GALNT13: variants seen among roughly 807,000 people sequenced by gnomAD.
GALNT13 encodes the protein UDP-GalNAc:polypeptide N-acetylgalactosaminyltransferase 13.
In GALNT13, 28 loss-of-function variants were observed where a neutral mutation model predicts 64.2. The observed-to-expected ratio is 0.44, with a 90% CI of 0.32 to 0.60. The LOEUF (loss-of-function observed/expected upper bound fraction) is 0.60. GALNT13 is among the 20% of genes least tolerant of loss of function. The probability of loss-of-function intolerance (pLI) is 0.05; values close to 1 mark genes in which losing one functional copy is unlikely to be tolerated. For missense variants in GALNT13, 577 were observed against 669.8 expected, an observed-to-expected ratio of 0.86 and a Z score of 1.53; for synonymous variants, 214 against 224.6, an observed-to-expected ratio of 0.95 and a Z score of 0.42.
At position 154,364,877 on chromosome 2, in the gene GALNT13, G is replaced by T. The variant is rs150159105; in HGVS notation, c.1157-31114G>T. On this transcript the variant is annotated intron_variant, in intron 9 of 12. Coordinates refer to ENST00000392825, the MANE Select transcript of GALNT13 (RefSeq NM_052917.4). ...GTAGAGACGGGGTTTTGCCATGTTGGCTAAGCTGGTCTTGAACTCCTGACC... is the reference window on the plus strand; with the variant it reads ...GTAGAGACGGGGTTTTGCCATGTTGTCTAAGCTGGTCTTGAACTCCTGACC... Among the ~76,000 whole-genome samples, 48 of 152,244 alleles carry T rather than the reference G, an allele frequency of 3.2e-4. 1 individual carries two copies. In the East Asian group the frequency reaches 9.1e-3, roughly 29 times the overall value.
the GALNT13 span, among the ~76,000 whole-genome samples, chr2:153,193,452 C>A: frequency 5.1e-5 from 4 of 78,416 alleles, no homozygotes; most frequent in South Asian, 4.0e-4. Flanking sequence ...GTGGTGGGGT[C>A]GGGGGAGGGG....
chr2:153,696,443 C>G, the GALNT13 span, among the ~76,000 whole-genome samples: 1 of 152,158 alleles, frequency 6.6e-6, no homozygotes, highest in Non-Finnish European at 1.5e-5. Context: ...AACACCCTCA[C>G]AGACATACCT....
At chr2:154,126,071 T>A (rs565097514) in intron 3 of GALNT13, among the ~76,000 whole-genome samples, 1 of 152,262 alleles carries the variant, frequency 6.6e-6, no homozygotes, top group South Asian at 2.1e-4. Flanking sequence ...ATCATGTGGT[T>A]CTGTTTAGTT....
chr2:153,671,742 A>C, the GALNT13 span, among the ~76,000 whole-genome samples: 1 of 152,220 alleles, frequency 6.6e-6, no homozygotes, highest in Non-Finnish European at 1.5e-5. Flanking sequence ...CTCCAATTAA[A>C]AGACATAGAC....
At chr2:153,323,602 C>T in the GALNT13 span, among the ~76,000 whole-genome samples, 26 of 152,242 alleles carry the variant, frequency 1.7e-4, no homozygotes, top group Admixed American at 7.2e-4. Context: ...AGGTTTTCTT[C>T]TAGGGTTTTT....
chr2:153,819,630 C>A, the GALNT13 span, among the ~76,000 whole-genome samples: 2 of 152,210 alleles, frequency 1.3e-5, no homozygotes, highest in African/African-American at 4.8e-5. Flanking sequence ...ACAGAGAACA[C>A]CTCACAGTAA....
chr2:153,826,696 T>G, the GALNT13 span, among the ~76,000 whole-genome samples: 1 of 151,940 alleles, frequency 6.6e-6, no homozygotes, highest in Admixed American at 6.6e-5. Context: ...TTATGACAAA[T>G]GAATGTCTGG....
At chr2:154,313,423 TA>T (rs1694158313) in intron 9 of GALNT13, among the ~76,000 whole-genome samples, 2 of 56,982 alleles carry the variant, frequency 3.5e-5, no homozygotes, top group Non-Finnish European at 3.7e-5. Flanking sequence ...TAGAGATATA[TA>T]TATATATATA....
the GALNT13 span, among the ~76,000 whole-genome samples, chr2:153,324,005 G>GT: frequency 6.6e-6 from 1 of 152,180 alleles, no homozygotes; most frequent in East Asian, 1.9e-4. Flanking sequence ...ATTTAAAGTA[G>GT]TTTTTTTCTA....
intron 11 of GALNT13, among the ~76,000 whole-genome samples, chr2:154,432,494 G>T (rs1196304155): frequency 6.6e-6 from 1 of 152,170 alleles, no homozygotes; most frequent in Non-Finnish European, 1.5e-5. Flanking sequence ...TGCAAACTAG[G>T]TTGCTTAATA....
chr2:153,985,761 A>G (rs1174278327), intron 3 of GALNT13, among the ~76,000 whole-genome samples: 2 of 152,028 alleles, frequency 1.3e-5, no homozygotes, highest in East Asian at 3.9e-4. Flanking sequence ...TCCTGACTGA[A>G]GGTCTCCCAG....
the GALNT13 span, among the ~76,000 whole-genome samples, chr2:153,562,274 G>T: frequency 6.6e-6 from 1 of 151,652 alleles, no homozygotes; most frequent in Non-Finnish European, 1.5e-5. Flanking sequence ...CACTTAGTTC[G>T]TTTTTTTATC....
chr2:153,777,615 A>T, the GALNT13 span, among the ~76,000 whole-genome samples: 1 of 152,198 alleles, frequency 6.6e-6, no homozygotes, highest in African/African-American at 2.4e-5. Context: ...CAGTAATGTC[A>T]AAATGGGAAA....
chr2:153,399,693 A>G, the GALNT13 span, among the ~76,000 whole-genome samples: 1 of 152,006 alleles, frequency 6.6e-6, no homozygotes, highest in African/African-American at 2.4e-5. Flanking sequence ...GCAATTGTGA[A>G]TGGGAGTTCA....
the GALNT13 span, among the ~76,000 whole-genome samples, chr2:153,195,079 G>A: frequency 6.6e-6 from 1 of 152,216 alleles, no homozygotes; most frequent in Non-Finnish European, 1.5e-5. Flanking sequence ...TTGGCTGTCA[G>A]TAGTGGCAGT....
At chr2:153,639,393 T>A in the GALNT13 span, among the ~76,000 whole-genome samples, 1 of 152,090 alleles carries the variant, frequency 6.6e-6, no homozygotes, top group Non-Finnish European at 1.5e-5. Flanking sequence ...AAGAATATAA[T>A]TATGAGTGAG....
chr2:154,232,687 A>G (rs1278006304), intron 4 of GALNT13, among the ~76,000 whole-genome samples: 1 of 152,044 alleles, frequency 6.6e-6, no homozygotes, highest in Non-Finnish European at 1.5e-5. Context: ...ACATAGAAGC[A>G]AGTTACTTAA....
chr2:153,705,706 T>G, the GALNT13 span, among the ~76,000 whole-genome samples: 1 of 152,196 alleles, frequency 6.6e-6, no homozygotes, highest in Non-Finnish European at 1.5e-5. Flanking sequence ...CTGGCACTTC[T>G]GCTAACATTG....
chr2:153,586,403 A>G, the GALNT13 span, among the ~76,000 whole-genome samples: 1 of 152,202 alleles, frequency 6.6e-6, no homozygotes, highest in Non-Finnish European at 1.5e-5. Context: ...CTATACTTAT[A>G]TCAGATAAAA....
Sources: allele counts gnomAD v4.1 joint callset (sites outside exome capture counted in the v4.1 genomes callset), GRCh38; gene constraint gnomAD v4.1.1; transcripts MANE v1.5; gene names NCBI Gene and HGNC (gene_info 2026-07-23, HGNC 2026-07-21).